The following MYOM3 variants were observed in gnomAD, a reference collection of about 807,000 sequenced individuals.
MYOM3 encodes myomesin 3.
In MYOM3, 155 loss-of-function variants were observed where a neutral mutation model predicts 191.7. That is an observed-to-expected ratio of 0.81 (90% confidence interval 0.71 to 0.92). The LOEUF (loss-of-function observed/expected upper bound fraction) is 0.92, where lower values mean the gene tolerates loss of function less well. Ranked by LOEUF, MYOM3 falls within the 40% of genes least tolerant of loss-of-function variation. The probability of loss-of-function intolerance (pLI) is 0.00; values close to 1 mark genes in which losing one functional copy is unlikely to be tolerated. For synonymous variants in MYOM3, 757 were observed against 762.9 expected (o/e 0.99, Z 0.13); for missense variants, 1,889 against 1,890.6 (o/e 1.00, Z 0.02).
At chr1:24,099,430 G>A (rs1358494274) in intron 6 of MYOM3, among the ~76,000 whole-genome samples, 2 of 150,674 alleles carry the variant, frequency 1.3e-5, no homozygotes, top group Admixed American at 6.7e-5. Context: ...TCAAGGCATC[G>A]GAATCACATG....
chr1:24,063,393 A>G lies in MYOM3; in HGVS notation c.3661+99T>C. 6.6e-7 allele frequency: 1 copy of G among 1,514,060 alleles called. No homozygotes were observed. Among genetic ancestry groups the G allele is most frequent in the Middle Eastern group, 1.9e-4 (1 of 5,130 alleles). 93.8% of individuals were successfully genotyped at this position (1,514,060 alleles called of 1,614,324 possible). On this transcript the variant is annotated intron_variant, in intron 31 of 36. Coordinates refer to ENST00000374434, the MANE Select transcript of MYOM3 (RefSeq NM_152372.4). The surrounding 1 kb of genome is among the most constrained non-coding windows in gnomAD (Gnocchi z 4.5). ...TTCTCTTCGGTGTTTGAGGTTAGAA[A>G]CTAAACCCACCCCCAATAGCCAAGG... is the stretch of plus-strand genomic sequence containing the variant.
Position 24,063,302 on chromosome 1 carries a change from T to G in MYOM3, c.3662-68A>C. 3 of 1,451,306 alleles carry G rather than the reference T, an allele frequency of 2.1e-6. No individual in the cohort carries two copies. The highest frequency in any genetic ancestry group is 1.9e-6 in the Non-Finnish European group (2 of 1,034,158). 89.9% of individuals were successfully genotyped at this position (1,451,306 alleles called of 1,614,324 possible). A position where few individuals can be genotyped will look rare whatever the true frequency, so the allele number is the denominator to read the frequency against. ...TTAGGCATCAGATTTTGGGGCCGGC[T>G]TGTCTGCCTCTGCCCTGGGGGGCAG... On this transcript the variant is annotated intron_variant, in intron 31 of 36. Transcript: ENST00000374434. This position sits in a 1 kb window ranked among gnomAD's most constrained non-coding sequence, Gnocchi z 4.5.
Position 24,082,663 on chromosome 1 carries a change from C to T in MYOM3, c.2022G>A (p.Arg674=), listed in dbSNP as rs568706002. 1.2e-6 allele frequency: 2 copies of T among 1,612,652 alleles called. No homozygotes were observed. The highest frequency in any genetic ancestry group is 1.1e-5 in the South Asian group (1 of 90,700). ...CGCCTACCCCAGCCTCGCTGACTGA[C>T]CTGACACAAAACTCGTACTCCTTCC... ...RTGKEYEFCV[R]SVSEAGVGES... is the part of the protein sequence containing the mutation. Residue 674 remains arginine (R), a synonymous_variant, in exon 17 of 37, where the codon AGG becomes AGA. Transcript: ENST00000374434.
chr1:24,071,023 A>AG, intron 25 of MYOM3, 94 bp downstream of exon 25: 2 of 1,441,414 alleles, frequency 1.4e-6, no homozygotes. Context: ...AATGGCCACT[A>AG]GGGGGAAGTA....
intron 34 of MYOM3, 94 bp from the exon 35 acceptor site, chr1:24,061,176 A>G (rs1643365276): frequency 1.2e-6 from 2 of 1,606,602 alleles, no homozygotes; most frequent in African/African-American, 1.3e-5. Context: ...GGAAAGGTGG[A>G]GCTGGCTGGG....
intron 1 of MYOM3, among the ~76,000 whole-genome samples, chr1:24,109,998 C>T (rs532928689): frequency 4.6e-5 from 7 of 152,204 alleles, no homozygotes; most frequent in Non-Finnish European, 5.9e-5. Flanking sequence ...GCTCAGGAAG[C>T]GGATCCATGG....
At position 24,074,199 on chromosome 1, in the gene MYOM3, C is replaced by T. The variant is rs755844811; in HGVS notation, c.2929G>A (p.Asp977Asn). The T allele has an allele frequency of 1.1e-5, 17 of 1,614,008 alleles. No homozygotes were observed. The highest frequency in any genetic ancestry group is 6.7e-5 in the African/African-American group (5 of 75,008). ...GTGTGGCTTGCGGAGATGTCTTCAT[C>T]GGCATCAGTGACTATGACTGAGTAG... ...GTYSVIVTDA[D>N]EDISASHTLT... Residue 977 changes from aspartate to asparagine, a missense_variant, in exon 23 of 37, where the codon GAT becomes AAT. Coordinates refer to ENST00000374434, the MANE Select transcript of MYOM3 (RefSeq NM_152372.4).
rs1460751041 is a variant in MYOM3, at chr1:24,082,588, C to A, written c.2092+5G>T. 5 of 1,593,100 alleles carry A rather than the reference C, an allele frequency of 3.1e-6. No individual in the cohort carries two copies. The highest frequency in any genetic ancestry group is 4.3e-6 in the Non-Finnish European group (5 of 1,171,612). On this transcript the variant is annotated splice_donor_5th_base_variant and intron_variant, in intron 17 of 36. Coordinates refer to ENST00000374434, the MANE Select transcript of MYOM3 (RefSeq NM_152372.4). ...TTTGCAGGCTGGACCTGCCCTTGGA[C>A]TCACCCAGAGCCTGCTTGACCCTGA... is the stretch of plus-strand genomic sequence containing the variant.
At position 24,076,650 on chromosome 1, in the gene MYOM3, A is replaced by G. The variant is rs1643604902; in HGVS notation, c.2587-377T>C. ...TGCCTCAGCCTCCCAAGTAGCTGGG[A>G]CTACAGGCGCCCGCCACTACGCCCG... On this transcript the variant is annotated intron_variant, in intron 20 of 36. Transcript: ENST00000374434. Among the ~76,000 whole-genome samples the G allele has an allele frequency of 2.0e-5, 2 of 98,048 alleles. 1 individual carries two copies. Among genetic ancestry groups the G allele is most frequent in the Non-Finnish European group, 4.4e-5 (2 of 44,976 alleles). 64.3% of individuals were successfully genotyped at this position (98,048 alleles called of 152,430 possible).
chr1:24,084,467 C>T lies in MYOM3; in HGVS notation c.1970+1G>A. On this transcript the variant is annotated splice_donor_variant, in intron 16 of 36. Coordinates refer to ENST00000374434, the MANE Select transcript of MYOM3 (RefSeq NM_152372.4). LOFTEE classifies it high-confidence loss of function. ...AGACTGATACGGGTGGGCAGACGTA[C>T]CTGGTGCCTTGGATGGGTTTGTTGT... 6.2e-7 allele frequency: 1 copy of T among 1,614,112 alleles called. No homozygotes were observed. Among genetic ancestry groups the T allele is most frequent in the Non-Finnish European group, 8.5e-7 (1 of 1,180,002 alleles).
chr1:24,077,562 A>G (rs1197733226), intron 20 of MYOM3, among the ~76,000 whole-genome samples: 1 of 152,152 alleles, frequency 6.6e-6, no homozygotes, highest in African/African-American at 2.4e-5. Context: ...AGATGCATGG[A>G]TTCCAGGAAG....
intron 12 of MYOM3, 105 bp from the exon 13 acceptor site, chr1:24,090,223 C>T: frequency 2.2e-6 from 2 of 917,786 alleles, no homozygotes; most frequent in Non-Finnish European, 3.5e-6. Flanking sequence ...CCAGTCCTGG[C>T]CTTGCAGCCC....
In MYOM3 at chr1:24,107,074, C is replaced by T. The variant is rs577160888; in HGVS notation, c.401G>A (p.Arg134Gln). The T allele has an allele frequency of 5.2e-5, 84 of 1,605,876 alleles. No individual in the cohort carries two copies. The highest frequency in any genetic ancestry group is 6.7e-5 in the Non-Finnish European group (79 of 1,176,404). The change falls in exon 4 of 37, where the codon CGG (arginine) becomes CAG (glutamine). Residue 134 changes from arginine to glutamine, a missense_variant and splice_region_variant. Transcript: ENST00000374434. ...GGGCTCCACGGCCCACCCCCTTACC[C>T]GCCGCCTCAGCGTCTTCCAGTCCCG... Reference protein sequence around the residue: ...QRRDWKTLRRRTEEKVQEAKE... With the variant: ...QRRDWKTLRRQTEEKVQEAKE...
rs760203127 is a variant in MYOM3 at position 24,105,913 on chromosome 1, G to A, written c.560+7C>T. On this transcript the variant is annotated splice_region_variant and intron_variant, in intron 5 of 36. Coordinates refer to ENST00000374434, the MANE Select transcript of MYOM3 (RefSeq NM_152372.4). Reference sequence around the variant, plus strand: ...GCCCAGAACCCCTTCCTGCCCCAGCGGCTTACCAGGTGACCTGGGGTGGTG... The same window carrying A: ...GCCCAGAACCCCTTCCTGCCCCAGCAGCTTACCAGGTGACCTGGGGTGGTG... The A allele has an allele frequency of 4.8e-5, 76 of 1,596,624 alleles. No homozygotes were observed. The South Asian group carries it at 7.6e-4, about 16-fold the overall frequency.
chr1:24,071,115 A>G lies in MYOM3; in HGVS notation c.3150+2T>C. On this transcript the variant is annotated splice_donor_variant, in intron 25 of 36. Transcript: ENST00000374434. LOFTEE classifies it high-confidence loss of function. ...CTTCAGGGATTGTGAGCACCCAATT[A>G]CCGGCGAGCTGAAGATCTCCTTGTT... 6.2e-7 allele frequency: 1 copy of G among 1,613,662 alleles called. No homozygotes were observed. The highest frequency in any genetic ancestry group is 8.5e-7 in the Non-Finnish European group (1 of 1,179,708).
intron 4 of MYOM3, among the ~76,000 whole-genome samples, chr1:24,106,296 T>C (rs1394555872): frequency 6.6e-6 from 1 of 152,188 alleles, no homozygotes; most frequent in East Asian, 1.9e-4. Context: ...TGTGGGACCA[T>C]AGGCAGGTCC....
chr1:24,076,662 C>T (rs1200022358), intron 20 of MYOM3, among the ~76,000 whole-genome samples: 2 of 103,590 alleles, frequency 1.9e-5, no homozygotes, highest in African/African-American at 6.8e-5. Flanking sequence ...TACAGGCGCC[C>T]GCCACTACGC....
Position 24,107,102 on chromosome 1 carries a change from T to A in MYOM3, c.373A>T (p.Arg125Trp). Residue 125 changes from arginine to tryptophan, a missense_variant, in exon 4 of 37, where the codon AGG (arginine) becomes TGG (tryptophan). Coordinates refer to ENST00000374434, the MANE Select transcript of MYOM3 (RefSeq NM_152372.4). Reference sequence around the variant, plus strand: ...CGCCTCAGCGTCTTCCAGTCCCGCCTCTGGCGCAGCAGCCGGTGGGTCTGC... The same window carrying A: ...CGCCTCAGCGTCTTCCAGTCCCGCCACTGGCGCAGCAGCCGGTGGGTCTGC... ...FLQTHRLLRQ[R>W]RDWKTLRRRT... 6.2e-7 allele frequency: 1 copy of A among 1,611,790 alleles called. No homozygotes were observed.
Position 24,067,972 on chromosome 1 carries a change from T to A in MYOM3, c.3353A>T (p.Gln1118Leu). The change falls in exon 27 of 37, where the codon CAG (glutamine) becomes CTG (leucine). Residue 1118 changes from glutamine (Q) to leucine (L), a missense_variant and splice_region_variant. Gln to Leu is a moderately radical substitution (Grantham distance 113). Coordinates refer to ENST00000374434, the MANE Select transcript of MYOM3 (RefSeq NM_152372.4). ...DAKRRDWKRK[Q>L]GPYFERPLQW... ...AACTTCACCCCAGCAGCTCTTACCC[T>A]GTTTTCTCTTCCAGTCCCTTCTCTT... is the stretch of plus-strand genomic sequence containing the variant. The A allele has an allele frequency of 1.9e-6, 3 of 1,614,162 alleles. No homozygotes were observed. Among genetic ancestry groups the A allele is most frequent in the Non-Finnish European group, 2.5e-6 (3 of 1,179,958 alleles).
Sources: allele counts gnomAD v4.1 joint callset (sites outside exome capture counted in the v4.1 genomes callset), GRCh38; gene constraint gnomAD v4.1.1; non-coding constraint Gnocchi (gnomAD v3.1); transcripts MANE v1.5; gene names NCBI Gene and HGNC (gene_info 2026-07-23, HGNC 2026-07-21).